Variants in GSE1 observed in about 807,000 individuals in gnomAD.
GSE1 encodes genetic suppressor element 1.
In GSE1, 32 loss-of-function variants were observed where a neutral mutation model predicts 112.6. That is an observed-to-expected ratio of 0.28 (90% CI 0.21 to 0.38). GSE1 has a LOEUF of 0.38. Among genes scored for constraint, GSE1 ranks in the 10% least tolerant of loss-of-function variants. GSE1 has a pLI of 1.00. For missense variants in GSE1, 2,348 were observed against 1,699.2 expected, an observed-to-expected ratio of 1.38 and a Z score of -6.71; for synonymous variants, 1,115 against 735.6, an observed-to-expected ratio of 1.52 and a Z score of -8.35.
chr16:85,418,502 T>C (rs1463813008), intron 2 of GSE1, among the ~76,000 whole-genome samples: 2 of 152,114 alleles, frequency 1.3e-5, no homozygotes, highest in African/African-American at 4.8e-5. Context: ...CAGGAAGCCC[T>C]CTCTGACTGC....
At chr16:85,343,101 G>C (rs1226516558) in intron 1 of GSE1, among the ~76,000 whole-genome samples, 1 of 152,012 alleles carries the variant, frequency 6.6e-6, no homozygotes, top group Admixed American at 6.5e-5. Flanking sequence ...TCTTGATCCT[G>C]TTAAACCCAA....
At chr16:85,407,282 C>T (rs2048323684) in intron 2 of GSE1, among the ~76,000 whole-genome samples, 1 of 52,108 alleles carries the variant, frequency 1.9e-5, no homozygotes, top group Admixed American at 1.7e-4. Context: ...CCTGGATAAT[C>T]CTCACTGTTA....
At chr16:85,473,446 C>A (rs1048089410) in intron 2 of GSE1, among the ~76,000 whole-genome samples, 1 of 152,098 alleles carries the variant, frequency 6.6e-6, no homozygotes. Context: ...TTGTTCTCTC[C>A]GAGTTCAGGA....
At chr16:85,245,706 C>G (rs779872024) in intron 1 of GSE1, among the ~76,000 whole-genome samples, 8 of 152,090 alleles carry the variant, frequency 5.3e-5, no homozygotes, top group Non-Finnish European at 1.2e-4. Context: ...GATTGGGGAC[C>G]TTTAATAGAA....
At chr16:85,443,001 C>G (rs2049417808) in intron 2 of GSE1, among the ~76,000 whole-genome samples, 1 of 152,218 alleles carries the variant, frequency 6.6e-6, no homozygotes, top group African/African-American at 2.4e-5. Flanking sequence ...GGCGTCCTCC[C>G]TGTGAGCTCT....
Position 85,277,178 on chromosome 16 carries a change from G to A in GSE1, c.2284-80285G>A, listed in dbSNP as rs150172091. On this transcript the variant is annotated intron_variant, in intron 1 of 2. Coordinates refer to the GSE1 transcript ENST00000637419. Reference sequence around the variant, plus strand: ...CTGTGGAGTGGGGAGAAATAGAGGCGAGACTGGGCAGGTGAGGTGGCGGTG... The same window carrying A: ...CTGTGGAGTGGGGAGAAATAGAGGCAAGACTGGGCAGGTGAGGTGGCGGTG... Among the ~76,000 whole-genome samples, 87 of 152,294 alleles carry A rather than the reference G, an allele frequency of 5.7e-4. No homozygotes were observed. The East Asian group carries it at 0.014, about 24-fold the overall frequency.
intron 1 of GSE1, among the ~76,000 whole-genome samples, chr16:85,601,467 C>T (rs1042092417): frequency 4.6e-5 from 7 of 152,058 alleles, no homozygotes; most frequent in African/African-American, 1.2e-4. Flanking sequence ...GAAGGCCAGG[C>T]GGGAAGAGGC....
intron 1 of GSE1, among the ~76,000 whole-genome samples, chr16:85,302,455 C>A (rs996522795): frequency 6.6e-6 from 1 of 151,946 alleles, no homozygotes; most frequent in Non-Finnish European, 1.5e-5. Flanking sequence ...ACCGCCCCCC[C>A]CCGCCCCCAC....
intron 1 of GSE1, among the ~76,000 whole-genome samples, chr16:85,172,816 C>A (rs2074384324): frequency 6.6e-6 from 1 of 152,206 alleles, no homozygotes; most frequent in African/African-American, 2.4e-5. Flanking sequence ...ATCCTGCCTC[C>A]CACCTGCACG....
intron 1 of GSE1, among the ~76,000 whole-genome samples, chr16:85,238,441 G>A (rs563871581): frequency 6.8e-4 from 103 of 152,334 alleles, no homozygotes; most frequent in Admixed American, 2.2e-3. Context: ...CTGCAGTTTC[G>A]TCAGCCCTTG....
chr16:85,290,036 G>T (rs1249282086), intron 1 of GSE1, among the ~76,000 whole-genome samples: 2 of 152,174 alleles, frequency 1.3e-5, no homozygotes, highest in Non-Finnish European at 2.9e-5. Flanking sequence ...CAGAGGTCTT[G>T]GGTGCAGAAC....
At chr16:85,204,289 T>A (rs2075078390) in intron 1 of GSE1, among the ~76,000 whole-genome samples, 1 of 152,242 alleles carries the variant, frequency 6.6e-6, no homozygotes, top group African/African-American at 2.4e-5. Context: ...TGAACTTCAT[T>A]CTTCCTATGG....
intron 1 of GSE1, among the ~76,000 whole-genome samples, chr16:85,308,927 G>A (rs1478830272): frequency 6.7e-6 from 1 of 148,860 alleles, no homozygotes; most frequent in African/African-American, 2.5e-5. Flanking sequence ...TGTGACTTGG[G>A]GCTTTTCAGA....
At chr16:85,436,075 C>T (rs889424350) in intron 2 of GSE1, among the ~76,000 whole-genome samples, 9 of 152,212 alleles carry the variant, frequency 5.9e-5, no homozygotes, top group Admixed American at 4.6e-4. Context: ...TCTGCATCAT[C>T]GTACCCCCCA....
intron 1 of GSE1, among the ~76,000 whole-genome samples, chr16:85,219,675 G>A (rs2075359652): frequency 2.0e-5 from 3 of 152,174 alleles, no homozygotes; most frequent in South Asian, 4.1e-4. Context: ...CTCTGCCTCC[G>A]TGCACCTGAC....
At chr16:85,392,615 T>C (rs1377060257) in intron 2 of GSE1, among the ~76,000 whole-genome samples, 2 of 152,210 alleles carry the variant, frequency 1.3e-5, no homozygotes, top group African/African-American at 4.8e-5. Flanking sequence ...GTATTTGTTG[T>C]TTATCTGAAA....
rs2053542665 is a variant in GSE1 at position 85,674,026 on chromosome 16, T to G, written c.*1487T>G. ...CCAAGGCAAAGCAACGGGCGAGTCT[T>G]CCTCCTTGTCCTAGTTACTGCCTAT... On this transcript the variant is annotated 3_prime_UTR_variant, in exon 16 of 16. Coordinates refer to ENST00000253458, the MANE Select transcript of GSE1 (RefSeq NM_014615.5). 1 of 152,248 alleles carries G rather than the reference T, an allele frequency of 6.6e-6. No individual in the cohort carries two copies. Among genetic ancestry groups the G allele is most frequent in the South Asian group, 2.1e-4 (1 of 4,824 alleles). The allele number at this position is 152,248 out of a possible 1,614,324, so 9.4% of individuals were successfully genotyped here.
Position 85,332,065 on chromosome 16 carries a change from T to G in GSE1, c.2284-25398T>G, listed in dbSNP as rs191541341. ...CCTTTGGCAACCATCTGGGGGCTCC[T>G]GTCCTAGCCTGACTGCCCCAGGTCT... On this transcript the variant is annotated intron_variant, in intron 1 of 2. Transcript: ENST00000637419. Among the ~76,000 whole-genome samples, 286 of 152,242 alleles carry G rather than the reference T, an allele frequency of 1.9e-3. 4 individuals carry two copies. Among genetic ancestry groups the G allele is most frequent in the African/African-American group, 6.7e-3 (279 of 41,546 alleles).
At chr16:85,465,960 G>T (rs1247405516) in intron 2 of GSE1, among the ~76,000 whole-genome samples, 7 of 152,260 alleles carry the variant, frequency 4.6e-5, no homozygotes, top group African/African-American at 1.7e-4. Context: ...TCCGAAGTCA[G>T]TCTGTACTTT....
Sources: gnomAD v4.1 joint callset for allele counts (sites outside exome capture counted in the v4.1 genomes callset) on GRCh38, gnomAD v4.1.1 for gene constraint, MANE v1.5 for transcripts, NCBI Gene and HGNC (gene_info 2026-07-23, HGNC 2026-07-21) for gene names.